Variants in MTAP observed in about 807,000 individuals in gnomAD.
MTAP encodes the protein S-methyl-5'-thioadenosine phosphorylase.
In MTAP, 33 loss-of-function variants were observed where a neutral mutation model predicts 33.6. The ratio of observed to expected loss-of-function variants is 0.98; its 90% CI spans 0.74 to 1.31. The LOEUF (loss-of-function observed/expected upper bound fraction) is 1.31, where lower values mean the gene tolerates loss of function less well. Among genes scored for constraint, MTAP ranks in the 40% most tolerant of loss-of-function variants. The pLI, the probability that MTAP is intolerant of heterozygous loss-of-function variation, is 0.00. For missense variants in MTAP, 367 were observed against 360.0 expected (o/e 1.02, Z -0.16); for synonymous variants, 148 against 125.7 (o/e 1.18, Z -1.19).
chr9:21,887,770 C>T (rs190120818), intron 1 of MTAP, among the ~76,000 whole-genome samples: 147 of 152,274 alleles, frequency 9.7e-4, no homozygotes, highest in Non-Finnish European at 1.7e-3. Flanking sequence ...CTCTCCAACA[C>T]CTGTTGTTTC....
chr9:21,836,316 G>A (rs1016097795), intron 4 of MTAP, among the ~76,000 whole-genome samples: 3 of 152,144 alleles, frequency 2.0e-5, no homozygotes, highest in African/African-American at 7.2e-5. Flanking sequence ...ATTATCAGGT[G>A]CATATTAACG....
At chr9:21,839,756 C>T (rs1367303795) in intron 5 of MTAP, among the ~76,000 whole-genome samples, 1 of 152,126 alleles carries the variant, frequency 6.6e-6, no homozygotes, top group Non-Finnish European at 1.5e-5. Context: ...ATAGGACTGT[C>T]ATGATGAATT....
downstream of MTAP, among the ~76,000 whole-genome samples, chr9:21,940,611 A>C (rs1819122360): frequency 6.6e-6 from 1 of 152,156 alleles, no homozygotes; most frequent in Admixed American, 6.6e-5. Flanking sequence ...CTCATGTTCA[A>C]TAATTTACTA....
At chr9:21,819,919 T>G (rs185791577) in intron 4 of MTAP, among the ~76,000 whole-genome samples, 8 of 152,346 alleles carry the variant, frequency 5.3e-5, no homozygotes, top group Admixed American at 2.0e-4. Flanking sequence ...TCATGTGTCT[T>G]TTGGCTGCAT....
intron 1 of MTAP, among the ~76,000 whole-genome samples, chr9:21,907,706 G>T (rs1320517719): frequency 6.6e-6 from 1 of 151,298 alleles, no homozygotes; most frequent in Non-Finnish European, 1.5e-5. Flanking sequence ...ATTCCTGGTG[G>T]TCATAGAAAA....
intron 5 of MTAP, among the ~76,000 whole-genome samples, chr9:21,843,760 A>G (rs1239563464): frequency 2.6e-5 from 4 of 152,214 alleles, no homozygotes; most frequent in East Asian, 3.8e-4. Context: ...TGCTAATGGG[A>G]AAGTTCATAG....
chr9:21,901,424 A>C (rs1343476796), intron 1 of MTAP, among the ~76,000 whole-genome samples: 2 of 152,198 alleles, frequency 1.3e-5, no homozygotes, highest in African/African-American at 4.8e-5. Context: ...TGAAAATTAA[A>C]AGGGATACAG....
intron 4 of MTAP, among the ~76,000 whole-genome samples, chr9:21,833,783 G>C (rs1427061725): frequency 1.3e-5 from 2 of 152,142 alleles, no homozygotes. Context: ...CCCTCAGCTT[G>C]TTTGCAACAC....
rs747590814 is a variant in MTAP, at chr9:21,815,671, T to G, written c.120+152T>G. 6 of 649,090 alleles carry G rather than the reference T, an allele frequency of 9.2e-6. No individual in the cohort carries two copies. In the Admixed American group the frequency reaches 1.8e-4, roughly 20 times the overall value. The allele number at this position is 649,090 out of a possible 1,614,324, so 40.2% of individuals were successfully genotyped here. ...GCAGAGAGGGCCAGAAGTTCTGCTG[T>G]TGGGTTCCATCAGCTGAGAAGGTGT... On this transcript the variant is annotated intron_variant, in intron 2 of 7. Transcript: ENST00000644715.
At chr9:21,807,413 C>T (rs1376337790) in intron 1 of MTAP, among the ~76,000 whole-genome samples, 1 of 152,128 alleles carries the variant, frequency 6.6e-6, no homozygotes, top group Non-Finnish European at 1.5e-5. Flanking sequence ...AACCTGCAGG[C>T]CCCAGTTGAA....
chr9:21,870,502 C>A (rs1825920478), downstream of MTAP, among the ~76,000 whole-genome samples: 2 of 152,190 alleles, frequency 1.3e-5, 1 homozygote, highest in South Asian at 4.1e-4. Context: ...TTACTCCAGC[C>A]TCTTTCTCAC....
chr9:21,823,412 C>G (rs981505900), intron 4 of MTAP, among the ~76,000 whole-genome samples: 7 of 152,160 alleles, frequency 4.6e-5, no homozygotes, highest in Admixed American at 1.3e-4. Context: ...GTTGAAAATT[C>G]TTTTCTTTAA....
chr9:21,810,479 C>T (rs747311965), intron 1 of MTAP, among the ~76,000 whole-genome samples: 1 of 152,064 alleles, frequency 6.6e-6, no homozygotes, highest in African/African-American at 2.4e-5. Context: ...GGAACTAATC[C>T]AACCCAATGA....
downstream of MTAP, chr9:21,941,020 T>G: frequency 1.0e-6 from 1 of 983,736 alleles, no homozygotes; most frequent in East Asian, 1.1e-4. Context: ...TATATTTGCA[T>G]GAAATCATGA....
chr9:21,932,724 T>C (rs1818982565), downstream of MTAP: 1 of 152,186 alleles, frequency 6.6e-6, no homozygotes, highest in African/African-American at 2.4e-5. Context: ...CCGGGGAAGC[T>C]GATTTGAGCA....
chr9:21,820,985 G>A (rs2118100603), intron 4 of MTAP, among the ~76,000 whole-genome samples: 1 of 152,322 alleles, frequency 6.6e-6, no homozygotes, highest in South Asian at 2.1e-4. Context: ...TGTGTCCTGA[G>A]ACTTTGCTGA....
Position 21,863,612 on chromosome 9 carries a change from G to A in MTAP, c.*1598G>A. On this transcript the variant is annotated 3_prime_UTR_variant, in exon 8 of 8. Transcript: ENST00000644715. The stretch of plus-strand genomic sequence containing the variant: ...CACTCCAGCCTGGGCAACAGAGTAA[G>A]ACTCAGTCTCAAAAAAAAAAAAAAG... 2.1e-6 allele frequency: 2 copies of A among 959,530 alleles called. No homozygotes were observed. Among genetic ancestry groups the A allele is most frequent in the Non-Finnish European group, 2.4e-6 (2 of 820,986 alleles). The allele number at this position is 959,530 out of a possible 1,614,324, so 59.4% of individuals were successfully genotyped here.
At chr9:21,882,411 T>C (rs557797704) in intron 1 of MTAP, among the ~76,000 whole-genome samples, 151 of 152,098 alleles carry the variant, frequency 9.9e-4, no homozygotes, top group African/African-American at 3.5e-3. Context: ...AATAAATAAA[T>C]AGAAAAACAT....
chr9:21,829,508 T>C (rs59397155), intron 4 of MTAP, among the ~76,000 whole-genome samples: 10,671 of 151,674 alleles, frequency 0.07, 1,265 homozygotes, highest in African/African-American at 0.24. Context: ...TCACTGCAAG[T>C]GTGAGCCACT....
Sources: gnomAD v4.1 joint callset for allele counts (sites outside exome capture counted in the v4.1 genomes callset) on GRCh38, gnomAD v4.1.1 for gene constraint, MANE v1.5 for transcripts, NCBI Gene and HGNC (gene_info 2026-07-23, HGNC 2026-07-21) for gene names.